CHST11: variants seen among roughly 807,000 people sequenced by gnomAD.
CHST11 encodes the protein C4S-1.
Under a neutral mutation model 30.4 loss-of-function variants are expected in CHST11, and 9 were observed. The observed-to-expected ratio is 0.30, with a 90% CI of 0.18 to 0.52. The LOEUF (loss-of-function observed/expected upper bound fraction) is 0.52, where lower values mean the gene tolerates loss of function less well. Ranked by LOEUF, CHST11 falls within the 20% of genes least tolerant of loss-of-function variation. The pLI, the probability that CHST11 is intolerant of heterozygous loss-of-function variation, is 0.97. For synonymous variants in CHST11, 152 were observed against 187.8 expected (o/e 0.81, Z 1.56); for missense variants, 348 against 460.6 (o/e 0.76, Z 2.24).
intron 1 of CHST11, among the ~76,000 whole-genome samples, chr12:104,599,631 A>G (rs920959438): frequency 1.1e-4 from 16 of 152,228 alleles, no homozygotes; most frequent in African/African-American, 3.6e-4. Context: ...ACAAAGAACC[A>G]GTGTTTCTCT....
chr12:104,533,509 T>C (rs928685633), intron 1 of CHST11, among the ~76,000 whole-genome samples: 1 of 152,230 alleles, frequency 6.6e-6, no homozygotes, highest in African/African-American at 2.4e-5. Flanking sequence ...GGATGATTAC[T>C]AAAATGGAGA....
rs569348170 is a variant in CHST11 at position 104,594,524 on chromosome 12, G to A, written c.119-7382G>A. Among the ~76,000 whole-genome samples, 12 of 152,246 alleles carry A rather than the reference G, an allele frequency of 7.9e-5. No homozygotes were observed. The South Asian group carries it at 2.5e-3, about 32-fold the overall frequency. ...CAAACTGTGATGTAGAAGGCTTCGG[G>A]CTTCTGTACTCTCCCTCCTCTTCTC... On this transcript the variant is annotated intron_variant, in intron 1 of 2. Coordinates refer to ENST00000303694, the MANE Select transcript of CHST11 (RefSeq NM_018413.6).
intron 1 of CHST11, among the ~76,000 whole-genome samples, chr12:104,495,715 C>T (rs2037792575): frequency 6.6e-6 from 1 of 152,070 alleles, no homozygotes. Context: ...TCCATTTTTA[C>T]CCATTTTATA....
At chr12:104,631,785 A>G (rs2136067907) in intron 2 of CHST11, among the ~76,000 whole-genome samples, 1 of 152,362 alleles carries the variant, frequency 6.6e-6, no homozygotes. Flanking sequence ...CAACAGTGAC[A>G]GCAGAGCCTA....
intron 2 of CHST11, among the ~76,000 whole-genome samples, chr12:104,703,978 G>A (rs1468574691): frequency 3.3e-5 from 5 of 152,184 alleles, no homozygotes; most frequent in Non-Finnish European, 5.9e-5. Context: ...TTCTTGTAAC[G>A]GCTCCTTAGG....
intron 1 of CHST11, among the ~76,000 whole-genome samples, chr12:104,583,721 C>CTTTTTTTTTTTTTTT (rs1297368145): frequency 2.0e-4 from 2 of 10,084 alleles, no homozygotes; most frequent in African/African-American, 2.3e-4. Context: ...AGATCTCTCT[C>CTTTTTTTTTTTTTTT]TTTTTTTTGA....
In CHST11 at chr12:104,583,526, C is replaced by T. The variant is rs185792781; in HGVS notation, c.119-18380C>T. ...ACAGCCTAGCCTCCCCCAAAGCTCA[C>T]GTGTGCACCCTCTGCCCCTGTCTGG... is the stretch of plus-strand genomic sequence containing the variant. On this transcript the variant is annotated intron_variant, in intron 1 of 2. Coordinates refer to ENST00000303694, the MANE Select transcript of CHST11 (RefSeq NM_018413.6). Among the ~76,000 whole-genome samples the T allele has an allele frequency of 3.2e-3, 483 of 152,296 alleles. 2 individuals carry two copies. The highest frequency in any genetic ancestry group is 6.8e-3 in the Middle Eastern group (2 of 294).
At chr12:104,644,125 C>A (rs1268057703) in intron 2 of CHST11, among the ~76,000 whole-genome samples, 7 of 152,142 alleles carry the variant, frequency 4.6e-5, no homozygotes, top group Admixed American at 6.5e-5. Context: ...AGAGGGACTT[C>A]TGCTTCCTCC....
At chr12:104,488,163 A>T (rs933331937) in intron 1 of CHST11, among the ~76,000 whole-genome samples, 1 of 151,862 alleles carries the variant, frequency 6.6e-6, no homozygotes, top group African/African-American at 2.4e-5. Context: ...TAATTAAGCT[A>T]GCTTGTTAGG....
intron 1 of CHST11, among the ~76,000 whole-genome samples, chr12:104,592,977 T>G (rs959494559): frequency 6.6e-6 from 1 of 152,230 alleles, no homozygotes; most frequent in Non-Finnish European, 1.5e-5. Flanking sequence ...ATGTATACAC[T>G]ATATTCTTCA....
intron 2 of CHST11, among the ~76,000 whole-genome samples, chr12:104,738,195 G>A (rs75985631): frequency 0.016 from 2,443 of 152,172 alleles, 61 homozygotes; most frequent in African/African-American, 0.056. Context: ...TCAGCAGACC[G>A]GCCTGCCCTG....
rs1051481474 is a variant in CHST11, at chr12:104,458,523, C to T, written c.118+994C>T. On this transcript the variant is annotated intron_variant, in intron 1 of 2. Transcript: ENST00000303694. The surrounding 1 kb of genome is among the most constrained non-coding windows in gnomAD (Gnocchi z 5.7). ...CTGGAGAGGGAGGGGCGCCCTCGAG[C>T]GCGGCGGCCGGGGGTGAGCAGCTCG... 6.6e-6 allele frequency among the ~76,000 whole-genome samples: 1 copy of T among 151,996 alleles called. No homozygotes were observed. The highest frequency in any genetic ancestry group is 1.5e-5 in the Non-Finnish European group (1 of 67,966).
At chr12:104,646,608 T>C (rs1350822802) in intron 2 of CHST11, among the ~76,000 whole-genome samples, 1 of 152,102 alleles carries the variant, frequency 6.6e-6, no homozygotes, top group Non-Finnish European at 1.5e-5. Flanking sequence ...GGCACGTGCC[T>C]GTAGTCCCAG....
intron 1 of CHST11, among the ~76,000 whole-genome samples, chr12:104,570,029 C>T (rs1395426220): frequency 6.6e-6 from 1 of 152,152 alleles, no homozygotes; most frequent in African/African-American, 2.4e-5. Flanking sequence ...GTCTGACAAC[C>T]TACAAAACCA....
intron 1 of CHST11, among the ~76,000 whole-genome samples, chr12:104,543,429 T>G (rs1490456998): frequency 6.6e-6 from 1 of 152,258 alleles, no homozygotes; most frequent in Non-Finnish European, 1.5e-5. Flanking sequence ...ACAGGCATTT[T>G]TGGCAACATG....
At chr12:104,480,259 T>C (rs567119212) in intron 1 of CHST11, among the ~76,000 whole-genome samples, 7 of 151,658 alleles carry the variant, frequency 4.6e-5, no homozygotes, top group African/African-American at 1.5e-4. Flanking sequence ...GACTTGGAAA[T>C]AGGGGCATTG....
At chr12:104,609,195 C>T (rs191442477) in intron 2 of CHST11, among the ~76,000 whole-genome samples, 312 of 152,336 alleles carry the variant, frequency 2.0e-3, no homozygotes, top group Non-Finnish European at 2.5e-3. Flanking sequence ...TGGTAAATGA[C>T]GAGTTCGTCT....
At position 104,457,393 on chromosome 12, in the gene CHST11, C is replaced by A; in HGVS notation, c.-19C>A. 1 of 1,596,028 alleles carries A rather than the reference C, an allele frequency of 6.3e-7. No homozygotes were observed. The highest frequency in any genetic ancestry group is 8.6e-7 in the Non-Finnish European group (1 of 1,164,566). On this transcript the variant is annotated 5_prime_UTR_variant, in exon 1 of 3. Coordinates refer to ENST00000303694, the MANE Select transcript of CHST11 (RefSeq NM_018413.6). Reference sequence around the variant, plus strand: ...GCGCGCTTCCCGGACACCCCGGTCCCCGCAGCCAGGACAAAGCCATGAAGC... The same window carrying A: ...GCGCGCTTCCCGGACACCCCGGTCCACGCAGCCAGGACAAAGCCATGAAGC...
intron 2 of CHST11, among the ~76,000 whole-genome samples, chr12:104,631,354 GGACCCT>G (rs2039268227): frequency 6.6e-6 from 1 of 152,060 alleles, no homozygotes. Flanking sequence ...CGGTGGTAGC[GGACCCT>G]GTTGGTGCTG....
Sources: gnomAD v4.1 joint callset for allele counts (sites outside exome capture counted in the v4.1 genomes callset) on GRCh38, gnomAD v4.1.1 for gene constraint, Gnocchi (gnomAD v3.1) non-coding constraint, MANE v1.5 for transcripts, NCBI Gene and HGNC (gene_info 2026-07-23, HGNC 2026-07-21) for gene names.